Variants in EGR3 observed in about 807,000 individuals in gnomAD.
EGR3 encodes the protein early growth response protein 3.
In EGR3, 4 loss-of-function variants were observed where a neutral mutation model predicts 22.4. That is an observed-to-expected ratio of 0.18 (90% confidence interval 0.09 to 0.41). The LOEUF (loss-of-function observed/expected upper bound fraction) is 0.41. EGR3 is among the 10% of genes least tolerant of loss of function. The pLI is 1.00. For missense variants in EGR3, 315 were observed against 541.3 expected (o/e 0.58, Z 4.15); for synonymous variants, 219 against 226.8 (o/e 0.97, Z 0.31).
rs1418233299 is a variant in EGR3, at chr8:22,693,082, G to A, written c.-138C>T. 5 of 715,512 alleles carry A rather than the reference G, an allele frequency of 7.0e-6. No individual in the cohort carries two copies. The highest frequency in any genetic ancestry group is 6.5e-5 in the South Asian group (4 of 61,346). The allele number at this position is 715,512 out of a possible 1,614,324, so 44.3% of individuals were successfully genotyped here. On this transcript the variant is annotated 5_prime_UTR_variant, in exon 1 of 2. Transcript: ENST00000317216. ...GCATGCGAGAGGGAAAGTTCGGGGGGAGGGGGGAGGGAAGAAGGGAAGGGA... is the reference window on the plus strand; with the variant it reads ...GCATGCGAGAGGGAAAGTTCGGGGGAAGGGGGGAGGGAAGAAGGGAAGGGA...
Position 22,692,227 on chromosome 8 carries a change from AC to A in EGR3, c.154+563del. ...TGGCAGGCCCTCGCCCCGCGGGTGA[AC>A]CCCCTCCTTCTCCCCGCCGTCCCCA... On this transcript the variant is annotated intron_variant, in intron 1 of 1. Transcript: ENST00000317216. The surrounding 1 kb of genome is among the most constrained non-coding windows in gnomAD (Gnocchi z 6.2). 1 of 1,439,478 alleles carries A rather than the reference AC, an allele frequency of 6.9e-7. No homozygotes were observed. The highest frequency in any genetic ancestry group is 9.1e-7 in the Non-Finnish European group (1 of 1,101,960). The allele number at this position is 1,439,478 out of a possible 1,614,324, so 89.2% of individuals were successfully genotyped here. A position where few individuals can be genotyped will look rare whatever the true frequency, so the allele number is the denominator to read the frequency against.
Position 22,692,262 on chromosome 8 carries a change from C to A in EGR3, c.154+529G>T. 2.6e-6 allele frequency: 4 copies of A among 1,509,438 alleles called. No homozygotes were observed. The highest frequency in any genetic ancestry group is 3.4e-4 in the Middle Eastern group (2 of 5,894). 93.5% of individuals were successfully genotyped at this position (1,509,438 alleles called of 1,614,324 possible). Reference sequence around the variant, plus strand: ...TCTCCCCGCCGTCCCCACACCCCCACGGCTTTGCTGAACGCCCCGGAAAGG... The same window carrying A: ...TCTCCCCGCCGTCCCCACACCCCCAAGGCTTTGCTGAACGCCCCGGAAAGG... On this transcript the variant is annotated intron_variant, in intron 1 of 1. Transcript: ENST00000317216. This position sits in a 1 kb window ranked among gnomAD's most constrained non-coding sequence, Gnocchi z 6.2.
chr8:22,692,086 A>AG lies in EGR3; in HGVS notation c.155-605dup. Reference sequence around the variant, plus strand: ...TGAAGGAGCTTTAGGCTCTTGCTGGAGGGGAAAATCCTAGCCCCAGCTAGG... The same window carrying AG: ...TGAAGGAGCTTTAGGCTCTTGCTGGAGGGGGAAAATCCTAGCCCCAGCTAGG... On this transcript the variant is annotated intron_variant, in intron 1 of 1. Coordinates refer to ENST00000317216, the MANE Select transcript of EGR3 (RefSeq NM_004430.3). The surrounding 1 kb of genome is among the most constrained non-coding windows in gnomAD (Gnocchi z 6.2). The AG allele has an allele frequency of 7.4e-7, 1 of 1,345,772 alleles. No homozygotes were observed. Among genetic ancestry groups the AG allele is most frequent in the East Asian group, 3.1e-5 (1 of 32,750 alleles). The allele number at this position is 1,345,772 out of a possible 1,614,324, so 83.4% of individuals were successfully genotyped here.
rs1803833874 is a variant in EGR3 at position 22,688,415 on chromosome 8, T to G, written c.*2058A>C. ...AATACTGTCTCTGCAAAGAAAGATT[T>G]TACCCTTCAGCTGAAAAAATATGGG... On this transcript the variant is annotated 3_prime_UTR_variant, in exon 2 of 2. Transcript: ENST00000317216. The G allele has an allele frequency of 1.3e-5, 2 of 152,582 alleles. 1 individual carries two copies. Among genetic ancestry groups the G allele is most frequent in the South Asian group, 4.1e-4 (2 of 4,832 alleles). The allele number at this position is 152,582 out of a possible 1,614,324, so 9.5% of individuals were successfully genotyped here. A position where few individuals can be genotyped will look rare whatever the true frequency, so the allele number is the denominator to read the frequency against.
Position 22,693,031 on chromosome 8 carries a change from G to T in EGR3, c.-87C>A, listed in dbSNP as rs1804023307. The T allele has an allele frequency of 6.7e-7, 1 of 1,487,466 alleles. No individual in the cohort carries two copies. The highest frequency in any genetic ancestry group is 9.0e-7 in the Non-Finnish European group (1 of 1,117,032). The allele number at this position is 1,487,466 out of a possible 1,614,324, so 92.1% of individuals were successfully genotyped here. On this transcript the variant is annotated 5_prime_UTR_variant, in exon 1 of 2. Coordinates refer to ENST00000317216, the MANE Select transcript of EGR3 (RefSeq NM_004430.3). Reference sequence around the variant, plus strand: ...CAGCTTCCAGGCAAGCGGCATCCGAGAGGCGATCCGTGGTGCAGGGGAAAA... The same window carrying T: ...CAGCTTCCAGGCAAGCGGCATCCGATAGGCGATCCGTGGTGCAGGGGAAAA...
In EGR3 at chr8:22,692,105, A is replaced by G. The variant is rs1298593352; in HGVS notation, c.155-623T>C. 2.2e-6 allele frequency: 3 copies of G among 1,361,904 alleles called. No individual in the cohort carries two copies. The highest frequency in any genetic ancestry group is 3.1e-5 in the African/African-American group (2 of 65,318). The allele number at this position is 1,361,904 out of a possible 1,614,324, so 84.4% of individuals were successfully genotyped here. ...TGCTGGAGGGGAAAATCCTAGCCCC[A>G]GCTAGGGAGGGTGGAGAGCGGCGGA... On this transcript the variant is annotated intron_variant, in intron 1 of 1. Coordinates refer to ENST00000317216, the MANE Select transcript of EGR3 (RefSeq NM_004430.3). The surrounding 1 kb of genome is among the most constrained non-coding windows in gnomAD (Gnocchi z 6.2).
In EGR3 at chr8:22,693,343, TCTGCCA is replaced by T. The variant is rs1486349534; in HGVS notation, c.-405_-400del. ...CGCCCGCCGCCCCCCCGCCCCCCGA[TCTGCCA>T]CCGCCACCGCCACCGCCACCGCCGC... On this transcript the variant is annotated 5_prime_UTR_variant, in exon 1 of 2. Transcript: ENST00000317216. 2 of 22,666 alleles carry T rather than the reference TCTGCCA, an allele frequency of 8.8e-5. No homozygotes were observed. Among genetic ancestry groups the T allele is most frequent in the African/African-American group, 3.6e-4 (2 of 5,500 alleles). 1.4% of individuals were successfully genotyped at this position (22,666 alleles called of 1,614,324 possible).
Position 22,690,257 on chromosome 8 carries a change from G to A in EGR3, c.*216C>T. The A allele has an allele frequency of 1.7e-6, 1 of 575,250 alleles. No individual in the cohort carries two copies. The highest frequency in any genetic ancestry group is 2.3e-5 in the South Asian group (1 of 43,518). 35.6% of individuals were successfully genotyped at this position (575,250 alleles called of 1,614,324 possible). On this transcript the variant is annotated 3_prime_UTR_variant, in exon 2 of 2. Coordinates refer to ENST00000317216, the MANE Select transcript of EGR3 (RefSeq NM_004430.3). ...GCCCCCACGCCTTGGCTAAGTGGGGGACCGCGAGGGGAAGGCGCCTCCAGC... is the reference window on the plus strand; with the variant it reads ...GCCCCCACGCCTTGGCTAAGTGGGGAACCGCGAGGGGAAGGCGCCTCCAGC...
In EGR3 at chr8:22,691,481, C is replaced by A. The variant is rs1803955449; in HGVS notation, c.156G>T (p.Glu52Asp). The A allele has an allele frequency of 6.2e-7, 1 of 1,613,042 alleles. No individual in the cohort carries two copies. Among genetic ancestry groups the A allele is most frequent in the Admixed American group, 1.7e-5 (1 of 59,998 alleles). ...TGGTCAGACCGATGTCCATTACATT[C>A]TCTGCGGAGAGCGGGGGAGAGAGGG... ...SVVHYNQMAT[E>D]NVMDIGLTNE... is the part of the protein sequence containing the mutation. Residue 52 changes from glutamate (E) to aspartate (D), a missense_variant and splice_region_variant, in exon 2 of 2, where the codon GAG (glutamate) becomes GAT (aspartate). Transcript: ENST00000317216.
chr8:22,692,540 G>T lies in EGR3; in HGVS notation c.154+251C>A. 7.0e-7 allele frequency: 1 copy of T among 1,425,870 alleles called. No homozygotes were observed. Among genetic ancestry groups the T allele is most frequent in the Admixed American group, 2.9e-5 (1 of 34,680 alleles). 88.3% of individuals were successfully genotyped at this position (1,425,870 alleles called of 1,614,324 possible). A position where few individuals can be genotyped will look rare whatever the true frequency, so the allele number is the denominator to read the frequency against. ...GCTGCCCCCACCCGGGAGAACCGAA[G>T]CCTCTACCGTGGCGTCGCCAACCTA... On this transcript the variant is annotated intron_variant, in intron 1 of 1. Coordinates refer to ENST00000317216, the MANE Select transcript of EGR3 (RefSeq NM_004430.3). The surrounding 1 kb of genome is among the most constrained non-coding windows in gnomAD (Gnocchi z 6.2).
rs1427966620 is a variant in EGR3 at position 22,690,872 on chromosome 8, G to A, written c.765C>T (p.Pro255=). 6.3e-7 allele frequency: 1 copy of A among 1,590,484 alleles called. No individual in the cohort carries two copies. The highest frequency in any genetic ancestry group is 1.3e-5 in the African/African-American group (1 of 74,312). The change falls in exon 2 of 2, where the codon CCC becomes CCT. Residue 255 remains proline (P), a synonymous_variant. Coordinates refer to ENST00000317216, the MANE Select transcript of EGR3 (RefSeq NM_004430.3). ...SLPQPPLTLK[P]IRPRKYPNRP... is the part of the protein sequence containing the mutation. ...GGTTGGGGTACTTGCGGGGCCGGAT[G>A]GGCTTGAGGGTGAGCGGCGGCTGGG...
At position 22,691,309 on chromosome 8, in the gene EGR3, T is replaced by C. The variant is rs1803948849; in HGVS notation, c.328A>G (p.Ile110Val). Residue 110 changes from isoleucine (I) to valine (V), a missense_variant, in exon 2 of 2, where the codon ATC (isoleucine) becomes GTC (valine). Ile to Val is a conservative substitution (Grantham distance 29, BLOSUM62 3). Coordinates refer to ENST00000317216, the MANE Select transcript of EGR3 (RefSeq NM_004430.3). ...DNIISLMSAG[I>V]LGVPPASGAL... is the part of the protein sequence containing the mutation. ...CCTGAAGCCGGGGGCACCCCCAAGA[T>C]GCCGGCGCTCATGAGGCTAATGATG... is the stretch of plus-strand genomic sequence containing the variant. 2.5e-6 allele frequency: 4 copies of C among 1,613,830 alleles called. No homozygotes were observed. Among genetic ancestry groups the C allele is most frequent in the Non-Finnish European group, 3.4e-6 (4 of 1,180,010 alleles).
rs574137494 is a variant in EGR3 at position 22,691,535 on chromosome 8, G to T, written c.155-53C>A. The T allele has an allele frequency of 3.2e-6, 5 of 1,585,102 alleles. No homozygotes were observed. The East Asian group carries it at 9.0e-5, about 28-fold the overall frequency. On this transcript the variant is annotated intron_variant, in intron 1 of 1. Transcript: ENST00000317216. ...GGGTGAGTGAAGCCGATCCGGCTCC[G>T]GGCCGCGGCGCCCAGGTCCTTGCCC...
chr8:22,691,431 G>T lies in EGR3; in HGVS notation c.206C>A (p.Ser69Tyr). The T allele has an allele frequency of 6.2e-7, 1 of 1,614,150 alleles. No individual in the cohort carries two copies. The highest frequency in any genetic ancestry group is 8.5e-7 in the Non-Finnish European group (1 of 1,180,018). ...GGCTGGCTGGAAGGAGCCGGAGTAAGAGAGTTCCGGGTTGGGCTTCTCGTT... is the reference window on the plus strand; with the variant it reads ...GGCTGGCTGGAAGGAGCCGGAGTAATAGAGTTCCGGGTTGGGCTTCTCGTT... ...LTNEKPNPEL[S>Y]YSGSFQPAPG... Residue 69 changes from serine (S) to tyrosine (Y), a missense_variant, in exon 2 of 2, where the codon TCT (serine) becomes TAT (tyrosine). By Grantham distance (144) the Ser-to-Tyr change is moderately radical. Around this residue, in one of 4 missense-constraint regions of EGR3, gnomAD observed 227 missense variants for 303.6 expected, o/e 0.75. Coordinates refer to ENST00000317216, the MANE Select transcript of EGR3 (RefSeq NM_004430.3).
Position 22,690,193 on chromosome 8 carries a change from G to A in EGR3, c.*280C>T, listed in dbSNP as rs1803896052. 2 of 478,780 alleles carry A rather than the reference G, an allele frequency of 4.2e-6. No individual in the cohort carries two copies. The highest frequency in any genetic ancestry group is 3.8e-5 in the Admixed American group (1 of 26,494). 29.7% of individuals were successfully genotyped at this position (478,780 alleles called of 1,614,324 possible). On this transcript the variant is annotated 3_prime_UTR_variant, in exon 2 of 2. Transcript: ENST00000317216. ...GGCCCGGCGGCCCCTGGATCAAGGC[G>A]ATCCGAACTGAACAAAGCGGGCTAG...
chr8:22,692,451 C>A lies in EGR3; in HGVS notation c.154+340G>T. The A allele has an allele frequency of 7.0e-7, 1 of 1,422,744 alleles. No individual in the cohort carries two copies. The highest frequency in any genetic ancestry group is 1.5e-5 in the South Asian group (1 of 66,624). The allele number at this position is 1,422,744 out of a possible 1,614,324, so 88.1% of individuals were successfully genotyped here. The stretch of plus-strand genomic sequence containing the variant: ...CACGCCTTGCGCGTAGCCCGGCGAT[C>A]GGGCCCCCTGCGTGGTGAGGGAGAA... On this transcript the variant is annotated intron_variant, in intron 1 of 1. Transcript: ENST00000317216. This position sits in a 1 kb window ranked among gnomAD's most constrained non-coding sequence, Gnocchi z 6.2.
chr8:22,690,431 G>C lies in EGR3; in HGVS notation c.*42C>G. The C allele has an allele frequency of 6.6e-7, 1 of 1,521,408 alleles. No individual in the cohort carries two copies. Among genetic ancestry groups the C allele is most frequent in the Non-Finnish European group, 8.9e-7 (1 of 1,123,418 alleles). 94.2% of individuals were successfully genotyped at this position (1,521,408 alleles called of 1,614,324 possible). A position where few individuals can be genotyped will look rare whatever the true frequency, so the allele number is the denominator to read the frequency against. On this transcript the variant is annotated 3_prime_UTR_variant, in exon 2 of 2. Transcript: ENST00000317216. ...CCGCTGCTTTCAGGCTAGCAGCCGG[G>C]AGGCACTGGAGGGGAAAAGTGGGGA...
rs1485726979 is a variant in EGR3, at chr8:22,691,122, G to A, written c.515C>T (p.Ser172Phe). The A allele has an allele frequency of 1.2e-6, 2 of 1,614,146 alleles. No individual in the cohort carries two copies. Among genetic ancestry groups the A allele is most frequent in the East Asian group, 2.2e-5 (1 of 44,874 alleles). The change falls in exon 2 of 2, where the codon TCC becomes TTC. Residue 172 changes from serine to phenylalanine, a missense_variant. By Grantham distance (155) the Ser-to-Phe change is radical. Around this residue, in one of 4 missense-constraint regions of EGR3, gnomAD observed 227 missense variants for 303.6 expected, o/e 0.75. Coordinates refer to ENST00000317216, the MANE Select transcript of EGR3 (RefSeq NM_004430.3). The part of the protein sequence containing the change: ...DPQGNPGLAY[S>F]PQDYQSAKPA... ...CTTGGCCGATTGGTAATCCTGGGGG[G>A]AATAGGCGAGCCCGGGATTGCCCTG... is the stretch of plus-strand genomic sequence containing the variant.
intron 1 of EGR3, chr8:22,691,924 C>G: frequency 8.1e-7 from 1 of 1,232,158 alleles, no homozygotes; most frequent in Admixed American, 4.0e-5. Flanking sequence ...TTTCCCTCCC[C>G]GGCGATGCCC....
Sources: allele counts gnomAD v4.1 joint callset, GRCh38; gene constraint gnomAD v4.1.1; regional missense constraint gnomAD v4.1.1; non-coding constraint Gnocchi (gnomAD v3.1); transcripts MANE v1.5; gene names NCBI Gene and HGNC (gene_info 2026-07-23, HGNC 2026-07-21).